Variants in RACGAP1 observed in about 807,000 individuals in gnomAD.
The protein encoded by RACGAP1 is rac GTPase-activating protein 1.
RACGAP1 carries 30 observed loss-of-function variants against 78.1 expected under a neutral mutation model. The observed-to-expected ratio is 0.38, with a 90% CI of 0.29 to 0.52. RACGAP1 has a LOEUF of 0.52. Ranked by LOEUF, RACGAP1 falls within the 20% of genes least tolerant of loss-of-function variation. The pLI is 0.82. For missense variants in RACGAP1, 587 were observed against 777.1 expected (o/e 0.76, Z 2.91); for synonymous variants, 231 against 264.8 (o/e 0.87, Z 1.24).
intron 1 of RACGAP1, among the ~76,000 whole-genome samples, chr12:50,023,259 T>C (rs1161304677): frequency 6.6e-6 from 1 of 152,236 alleles, no homozygotes; most frequent in Non-Finnish European, 1.5e-5. Context: ...TGGCTCTTAA[T>C]AGTGCCAAAA....
chr12:49,995,277 G>C, intron 10 of RACGAP1, among the ~76,000 whole-genome samples: 1 of 152,132 alleles, frequency 6.6e-6, no homozygotes, highest in Non-Finnish European at 1.5e-5. Flanking sequence ...GAACCCAGGA[G>C]GTGGAGGTTG....
chr12:50,003,285 T>C (rs889416003), intron 5 of RACGAP1, among the ~76,000 whole-genome samples: 9 of 152,222 alleles, frequency 5.9e-5, no homozygotes, highest in Non-Finnish European at 1.0e-4. Flanking sequence ...GTAATTTAGT[T>C]ACTGGTTGTT....
chr12:50,029,178 T>G (rs1178630928), upstream of RACGAP1, among the ~76,000 whole-genome samples: 1 of 143,728 alleles, frequency 7.0e-6, no homozygotes, highest in Admixed American at 7.3e-5. Flanking sequence ...ATCGCGCCAC[T>G]GCACTCCAGC....
At chr12:49,994,754 A>G (rs1948140616) in intron 10 of RACGAP1, among the ~76,000 whole-genome samples, 1 of 152,220 alleles carries the variant, frequency 6.6e-6, no homozygotes, top group Non-Finnish European at 1.5e-5. Context: ...CCACACTGTT[A>G]TGTGAACAAG....
At chr12:49,990,931 T>G (rs939469591) in intron 15 of RACGAP1, 139 bp from the exon 16 acceptor site, 14 of 626,612 alleles carry the variant, frequency 2.2e-5, no homozygotes, top group Non-Finnish European at 4.0e-5. Flanking sequence ...AGATCATTTT[T>G]GTCATCATTC....
At chr12:50,019,808 T>C (rs1020118026) in intron 1 of RACGAP1, 2 of 152,178 alleles carry the variant, frequency 1.3e-5, no homozygotes, top group African/African-American at 4.8e-5. Flanking sequence ...ATGACTCATC[T>C]ATAAAGTGAA....
intron 5 of RACGAP1, 54 bp downstream of exon 5, chr12:50,004,181 G>A (rs989026586): frequency 6.4e-7 from 1 of 1,571,350 alleles, no homozygotes; most frequent in African/African-American, 1.3e-5. Flanking sequence ...AGATATTCCT[G>A]GGGAAGCAGA....
At chr12:50,030,550 G>T (rs918044506) in intron 2 of RACGAP1, among the ~76,000 whole-genome samples, 1 of 151,610 alleles carries the variant, frequency 6.6e-6, no homozygotes, top group Non-Finnish European at 1.5e-5. Context: ...TCAGTCGGGC[G>T]TCGTGGCACA....
intron 6 of RACGAP1, 51 bp from the exon 7 acceptor site, chr12:50,001,303 A>G: frequency 6.9e-7 from 1 of 1,440,954 alleles, no homozygotes; most frequent in South Asian, 1.2e-5. Context: ...GATCTGAAGC[A>G]CAGAAGATAA....
intron 12 of RACGAP1, among the ~76,000 whole-genome samples, chr12:49,993,417 G>A (rs138611553): frequency 1.3e-5 from 2 of 152,180 alleles, no homozygotes; most frequent in East Asian, 3.9e-4. Context: ...AGGGTGACAC[G>A]CATACAGTTA....
intron 1 of RACGAP1, 158 bp downstream of exon 1, chr12:50,025,239 AC>A (rs140700776): frequency 1.1e-6 from 1 of 925,598 alleles, no homozygotes; most frequent in East Asian, 1.2e-4. Context: ...CACGACCCCC[AC>A]CCCAGAAAAG....
chr12:50,004,173 A>G (rs1948839464), intron 5 of RACGAP1, 62 bp downstream of exon 5: 8 of 1,567,958 alleles, frequency 5.1e-6, no homozygotes, highest in Non-Finnish European at 7.0e-6. Flanking sequence ...GACAGGAGAG[A>G]TATTCCTGGG....
At chr12:49,991,833 G>T (rs1216994069) in intron 15 of RACGAP1, among the ~76,000 whole-genome samples, 165 bp downstream of exon 15, 1 of 151,788 alleles carries the variant, frequency 6.6e-6, no homozygotes, top group Non-Finnish European at 1.5e-5. Context: ...TATGGATAAA[G>T]AAAGGAGAAC....
chr12:50,013,259 C>A (rs1949465598), intron 2 of RACGAP1, among the ~76,000 whole-genome samples: 2 of 152,070 alleles, frequency 1.3e-5, no homozygotes, highest in African/African-American at 4.8e-5. Context: ...AGTATTTTCA[C>A]AACTAATATC....
At chr12:49,995,192 T>C (rs915371386) in intron 10 of RACGAP1, among the ~76,000 whole-genome samples, 10 of 151,970 alleles carry the variant, frequency 6.6e-5, no homozygotes, top group Admixed American at 2.0e-4. Context: ...CTACTAAAAA[T>C]ACAAAATTAG....
intron 2 of RACGAP1, among the ~76,000 whole-genome samples, chr12:50,010,724 G>A (rs1240160094): frequency 6.6e-6 from 1 of 151,848 alleles, no homozygotes; most frequent in African/African-American, 2.4e-5. Flanking sequence ...TCTGAGGTCG[G>A]GAGTTCGAGA....
At chr12:49,999,373 T>C (rs1442440806) in intron 8 of RACGAP1, 102 bp from the exon 9 acceptor site, 5 of 1,414,126 alleles carry the variant, frequency 3.5e-6, no homozygotes, top group South Asian at 1.4e-5. Context: ...TCTGTTATCA[T>C]AGCCAAAAGT....
At chr12:50,031,332 A>T (rs1950331338) in intron 2 of RACGAP1, among the ~76,000 whole-genome samples, 1 of 151,104 alleles carries the variant, frequency 6.6e-6, no homozygotes, top group Admixed American at 6.6e-5. Flanking sequence ...CAAAAAAATT[A>T]GCCGGCCATT....
rs528176271 is a variant in RACGAP1 at position 50,008,443 on chromosome 12, C to T, written c.86-1807G>A. ...CAAACTCCTAACCTCAGGTGATTCACCTGCCTTGGCCTCCAAAAGTGCTAG... is the reference window on the plus strand; with the variant it reads ...CAAACTCCTAACCTCAGGTGATTCATCTGCCTTGGCCTCCAAAAGTGCTAG... On this transcript the variant is annotated intron_variant, in intron 2 of 16. Transcript: ENST00000312377. 3.9e-5 allele frequency among the ~76,000 whole-genome samples: 6 copies of T among 152,064 alleles called. No homozygotes were observed. The South Asian group carries it at 1.2e-3, about 32-fold the overall frequency.
Sources: allele counts gnomAD v4.1 joint callset (sites outside exome capture counted in the v4.1 genomes callset), GRCh38; gene constraint gnomAD v4.1.1; transcripts MANE v1.5; gene names NCBI Gene and HGNC (gene_info 2026-07-23, HGNC 2026-07-21).